Variants in SLCO5A1 observed in about 807,000 individuals in gnomAD.
SLCO5A1 encodes solute carrier organic anion transporter family member 5A1.
A neutral mutation model predicts 65.1 loss-of-function variants in SLCO5A1; 39 were observed. That is an observed-to-expected ratio of 0.60 (90% CI 0.46 to 0.78). The LOEUF is 0.78. Among genes scored for constraint, SLCO5A1 ranks in the 30% least tolerant of loss-of-function variants. The pLI is 0.00. For missense variants in SLCO5A1, 1,029 were observed against 1,069.4 expected (o/e 0.96, Z 0.53); for synonymous variants, 438 against 415.7 (o/e 1.05, Z -0.65).
intron 7 of SLCO5A1, among the ~76,000 whole-genome samples, chr8:69,681,369 A>G (rs748261075): frequency 6.6e-6 from 1 of 152,142 alleles, no homozygotes; most frequent in Non-Finnish European, 1.5e-5. Context: ...CAAGGCAGGC[A>G]GATCACCTGA....
chr8:69,758,279 C>T (rs1563705388), intron 3 of SLCO5A1, among the ~76,000 whole-genome samples: 1 of 152,034 alleles, frequency 6.6e-6, no homozygotes, highest in African/African-American at 2.4e-5. Flanking sequence ...CTTGACCTCC[C>T]GAGCTCAAGT....
At chr8:69,687,676 T>C (rs1439882134) in intron 6 of SLCO5A1, among the ~76,000 whole-genome samples, 1 of 152,120 alleles carries the variant, frequency 6.6e-6, no homozygotes, top group African/African-American at 2.4e-5. Context: ...ATATCCACTT[T>C]TAATGCTTTT....
intron 4 of SLCO5A1, among the ~76,000 whole-genome samples, chr8:69,740,330 A>G (rs555192801): frequency 4.8e-4 from 73 of 152,326 alleles, no homozygotes; most frequent in African/African-American, 1.6e-3. Context: ...GGAGACTTAG[A>G]AAGTTATAAA....
chr8:69,738,246 G>A (rs1816646840), intron 4 of SLCO5A1, 42 bp from the exon 5 acceptor site: 4 of 1,514,334 alleles, frequency 2.6e-6, no homozygotes, highest in Admixed American at 3.9e-5. Flanking sequence ...TATAAACAAT[G>A]GATGGAAAAC....
At chr8:69,818,799 A>G (rs1820511781) in intron 2 of SLCO5A1, among the ~76,000 whole-genome samples, 1 of 152,198 alleles carries the variant, frequency 6.6e-6, no homozygotes, top group South Asian at 2.1e-4. Context: ...TATCTGTGGC[A>G]CAAATTAACT....
chr8:69,795,989 CATGGCTGAAGTTGGAGCAGCCGGG>C (rs1819476474), intron 2 of SLCO5A1, among the ~76,000 whole-genome samples: 1 of 152,220 alleles, frequency 6.6e-6, no homozygotes, highest in Admixed American at 6.5e-5. Flanking sequence ...CTCTTTGAGG[CATGGCTGAAGTTGGAGCAGCCGGG>C]ATGTGGAAAG....
At chr8:69,747,543 T>C (rs2130851810) in intron 4 of SLCO5A1, among the ~76,000 whole-genome samples, 1 of 152,332 alleles carries the variant, frequency 6.6e-6, no homozygotes, top group South Asian at 2.1e-4. Flanking sequence ...TTAGGTATTA[T>C]AAGTAACAAG....
intron 2 of SLCO5A1, among the ~76,000 whole-genome samples, chr8:69,815,805 A>G (rs1419796559): frequency 6.6e-6 from 1 of 152,128 alleles, no homozygotes; most frequent in Non-Finnish European, 1.5e-5. Context: ...AACTAAAGAA[A>G]CCATGAAAGC....
chr8:69,810,851 C>A (rs933359683), intron 2 of SLCO5A1, among the ~76,000 whole-genome samples: 2 of 152,132 alleles, frequency 1.3e-5, no homozygotes, highest in African/African-American at 2.4e-5. Flanking sequence ...ATGAAACAAC[C>A]CCTGAAAATG....
In SLCO5A1 at chr8:69,832,417, G is replaced by A. The variant is rs748651742; in HGVS notation, c.257C>T (p.Pro86Leu). 2 of 1,611,964 alleles carry A rather than the reference G, an allele frequency of 1.2e-6. No homozygotes were observed. Among genetic ancestry groups the A allele is most frequent in the Non-Finnish European group, 1.7e-6 (2 of 1,179,284 alleles). ...PNPLAPSPSA[P>L]STSAGLGDCN... ...GTCCCCGAGCCCCGCCGAAGTGGAC[G>A]GGGCAGAGGGACTGGGGGCCAACGG... is the stretch of plus-strand genomic sequence containing the variant. The change falls in exon 2 of 10, where the codon CCG becomes CTG. Residue 86 changes from proline (P) to leucine (L), a missense_variant. Coordinates refer to ENST00000260126, the MANE Select transcript of SLCO5A1 (RefSeq NM_030958.3). The surrounding 1 kb of genome is among the most constrained non-coding windows in gnomAD (Gnocchi z 4.5).
At chr8:69,772,086 C>T (rs1452129484) in intron 2 of SLCO5A1, among the ~76,000 whole-genome samples, 3 of 152,164 alleles carry the variant, frequency 2.0e-5, no homozygotes, top group Non-Finnish European at 4.4e-5. Context: ...AGAGATGCTC[C>T]TCCTTCTTCA....
intron 6 of SLCO5A1, among the ~76,000 whole-genome samples, chr8:69,686,140 T>C (rs761234739): frequency 2.0e-5 from 3 of 151,876 alleles, no homozygotes; most frequent in Non-Finnish European, 4.4e-5. Context: ...CTGCCTCCTT[T>C]TGAGTTCCTC....
chr8:69,713,646 T>C (rs1426804332), intron 5 of SLCO5A1: 2 of 152,222 alleles, frequency 1.3e-5, no homozygotes, highest in Non-Finnish European at 2.9e-5. Context: ...CAATCAATAG[T>C]ATGCAAGCCT....
At chr8:69,718,511 T>C (rs1375486880) in intron 5 of SLCO5A1, among the ~76,000 whole-genome samples, 1 of 152,178 alleles carries the variant, frequency 6.6e-6, no homozygotes, top group African/African-American at 2.4e-5. Flanking sequence ...TTAAGTATGA[T>C]GTTAGCTGTG....
At chr8:69,772,643 GGAAAGGAAAGGAAAA>G (rs1818380007) in intron 2 of SLCO5A1, among the ~76,000 whole-genome samples, 1 of 148,386 alleles carries the variant, frequency 6.7e-6, no homozygotes, top group East Asian at 2.0e-4. Flanking sequence ...GGAAAGGAAA[GGAAAGGAAAGGAAAA>G]GAAATGATTC....
At chr8:69,701,328 A>G (rs1006970705) in intron 6 of SLCO5A1, among the ~76,000 whole-genome samples, 4 of 152,332 alleles carry the variant, frequency 2.6e-5, no homozygotes, top group Middle Eastern at 3.4e-3. Flanking sequence ...AACTCAATGG[A>G]CTTCCTTCTC....
chr8:69,702,906 TGAGA>T (rs1327092635), intron 6 of SLCO5A1, among the ~76,000 whole-genome samples: 1 of 151,914 alleles, frequency 6.6e-6, no homozygotes, highest in Non-Finnish European at 1.5e-5. Context: ...CTCAGGAGTT[TGAGA>T]CCAGCCTGGG....
At position 69,705,104 on chromosome 8, in the gene SLCO5A1, A is replaced by G. The variant is rs777343785; in HGVS notation, c.1549T>C (p.Cys517Arg). Reference protein sequence around the residue: ...AMICSGVSLLCFSTLFIVGCE... With the variant: ...AMICSGVSLLRFSTLFIVGCE... ...CCAACAATAAATAGGGTTGAAAAAC[A>G]TAGTAAAGACACACCACTGCAGATC... The change falls in exon 6 of 10, where the codon TGT becomes CGT. Residue 517 changes from cysteine (C) to arginine (R), a missense_variant. Coordinates refer to ENST00000260126, the MANE Select transcript of SLCO5A1 (RefSeq NM_030958.3). 6.2e-7 allele frequency: 1 copy of G among 1,614,112 alleles called. No individual in the cohort carries two copies. The highest frequency in any genetic ancestry group is 8.5e-7 in the Non-Finnish European group (1 of 1,180,066).
At chr8:69,726,277 G>T (rs916398146) in intron 5 of SLCO5A1, among the ~76,000 whole-genome samples, 2 of 152,128 alleles carry the variant, frequency 1.3e-5, no homozygotes, top group African/African-American at 4.8e-5. Flanking sequence ...GTTGTGAAAA[G>T]TAGCCATTTA....
Sources: gnomAD v4.1 joint callset for allele counts (sites outside exome capture counted in the v4.1 genomes callset) on GRCh38, gnomAD v4.1.1 for gene constraint, Gnocchi (gnomAD v3.1) non-coding constraint, MANE v1.5 for transcripts, NCBI Gene and HGNC (gene_info 2026-07-23, HGNC 2026-07-21) for gene names.